Variants in LMCD1 observed in about 807,000 individuals in gnomAD.
LMCD1 encodes the protein LIM and cysteine rich domains 1, also known as LIM and cysteine-rich domains protein 1.
A neutral mutation model predicts 42.7 loss-of-function variants in LMCD1; 32 were observed. That is an observed-to-expected ratio of 0.75 (90% CI 0.57 to 1.01). The LOEUF is 1.01. Among genes scored for constraint, LMCD1 ranks in the 50% least tolerant of loss-of-function variants. The pLI is 0.00. For missense variants in LMCD1, 458 were observed against 483.1 expected (o/e 0.95, Z 0.49); for synonymous variants, 178 against 184.9 (o/e 0.96, Z 0.30).
intron 1 of LMCD1, among the ~76,000 whole-genome samples, chr3:8,519,781 A>G (rs1305569031): frequency 1.3e-5 from 2 of 152,040 alleles, no homozygotes; most frequent in African/African-American, 4.8e-5. Context: ...GGAGTCTTTT[A>G]TAAGAAGGAT....
At chr3:8,546,048 G>A (rs770626554) in intron 3 of LMCD1, among the ~76,000 whole-genome samples, 26 of 152,096 alleles carry the variant, frequency 1.7e-4, no homozygotes, top group East Asian at 7.7e-4. Flanking sequence ...CAGGAGAATC[G>A]CTTGAAGCTG....
At chr3:8,547,266 C>A (rs983276032) in intron 3 of LMCD1, among the ~76,000 whole-genome samples, 6 of 152,234 alleles carry the variant, frequency 3.9e-5, no homozygotes, top group African/African-American at 1.2e-4. Flanking sequence ...ATGACATGGG[C>A]TGGCCCAGTC....
intron 4 of LMCD1, among the ~76,000 whole-genome samples, chr3:8,562,863 C>T (rs1386823744): frequency 6.6e-6 from 1 of 152,198 alleles, no homozygotes; most frequent in African/African-American, 2.4e-5. Flanking sequence ...GCATCTAGTC[C>T]AGGGCCTAGC....
chr3:8,564,288 A>G (rs912966336), intron 4 of LMCD1, among the ~76,000 whole-genome samples: 1 of 152,110 alleles, frequency 6.6e-6, no homozygotes. Flanking sequence ...TATTTGAGAC[A>G]AGGTCTCACT....
intron 5 of LMCD1, among the ~76,000 whole-genome samples, chr3:8,565,887 C>T (rs1002217185): frequency 2.0e-5 from 3 of 152,206 alleles, no homozygotes; most frequent in African/African-American, 7.2e-5. Context: ...TGGCATAATG[C>T]CTAGCACTTA....
At chr3:8,542,610 C>G in intron 3 of LMCD1, among the ~76,000 whole-genome samples, 1 of 152,212 alleles carries the variant, frequency 6.6e-6, no homozygotes, top group Non-Finnish European at 1.5e-5. Context: ...GCTTACCCAG[C>G]CCGCTCACTC....
chr3:8,530,039 C>T (rs935025774), intron 1 of LMCD1, among the ~76,000 whole-genome samples: 21 of 152,290 alleles, frequency 1.4e-4, no homozygotes, highest in African/African-American at 3.8e-4. Flanking sequence ...GACTAAAACC[C>T]GGGACTAAAG....
intron 4 of LMCD1, chr3:8,550,385 G>A (rs959255261): frequency 1.0e-6 from 1 of 985,014 alleles, no homozygotes; most frequent in Non-Finnish European, 1.2e-6. Flanking sequence ...GAACAGGCTG[G>A]CAGTCACACA....
intron 1 of LMCD1, among the ~76,000 whole-genome samples, chr3:8,527,527 C>G (rs1383203006): frequency 6.6e-6 from 1 of 152,164 alleles, no homozygotes; most frequent in East Asian, 1.9e-4. Flanking sequence ...CTTTCCTGGA[C>G]CTTCTGATAA....
intron 3 of LMCD1, among the ~76,000 whole-genome samples, chr3:8,538,186 A>G (rs937759016): frequency 7.2e-5 from 11 of 152,258 alleles, no homozygotes; most frequent in South Asian, 2.1e-4. Context: ...TCAAGATCCA[A>G]TGCACCAGAT....
rs1286176780 is a variant in LMCD1 at position 8,568,280 on chromosome 3, C to G, written c.*682C>G. On this transcript the variant is annotated 3_prime_UTR_variant, in exon 6 of 6. Coordinates refer to ENST00000157600, the MANE Select transcript of LMCD1 (RefSeq NM_014583.4). ...TGGGACAGAACCCCCGCCCCACCTG[C>G]CTATTCCAGATACTCCCAGATCACT... The G allele has an allele frequency of 2.0e-5, 3 of 152,190 alleles. No individual in the cohort carries two copies. The highest frequency in any genetic ancestry group is 7.2e-5 in the African/African-American group (3 of 41,450). 9.4% of individuals were successfully genotyped at this position (152,190 alleles called of 1,614,324 possible). A position where few individuals can be genotyped will look rare whatever the true frequency, so the allele number is the denominator to read the frequency against.
intron 1 of LMCD1, among the ~76,000 whole-genome samples, chr3:8,519,125 C>T (rs140869399): frequency 0.013 from 1,949 of 152,202 alleles, 26 homozygotes; most frequent in Non-Finnish European, 0.022. Flanking sequence ...GTGACCCTGC[C>T]CTCATGGAGC....
chr3:8,562,294 T>C (rs1695053594), intron 4 of LMCD1, among the ~76,000 whole-genome samples: 1 of 152,222 alleles, frequency 6.6e-6, no homozygotes, highest in Admixed American at 6.5e-5. Context: ...TGAGAGGCCC[T>C]GTAGGGAAGC....
At chr3:8,546,286 C>G (rs142311800) in intron 3 of LMCD1, among the ~76,000 whole-genome samples, 1 of 152,278 alleles carries the variant, frequency 6.6e-6, no homozygotes, top group East Asian at 1.9e-4. Flanking sequence ...AAAAAAATCA[C>G]AGAAAAATAT....
chr3:8,556,393 T>C (rs1425163272), intron 4 of LMCD1, among the ~76,000 whole-genome samples: 2 of 152,156 alleles, frequency 1.3e-5, no homozygotes, highest in Non-Finnish European at 2.9e-5. Context: ...GGAAGCTTTT[T>C]TTTTTCAGGA....
intron 1 of LMCD1, among the ~76,000 whole-genome samples, chr3:8,526,656 C>T (rs1030369719): frequency 2.6e-5 from 4 of 152,196 alleles, no homozygotes; most frequent in African/African-American, 9.7e-5. Context: ...TGGGGTGAGG[C>T]TTGAGAATTT....
At chr3:8,514,933 C>T (rs1293187687) in intron 1 of LMCD1, 1 of 456,376 alleles carries the variant, frequency 2.2e-6, no homozygotes, top group Non-Finnish European at 4.4e-6. Context: ...AGATGGTGAT[C>T]ACATGGGATA....
chr3:8,508,887 G>A (rs1693937669), intron 1 of LMCD1, among the ~76,000 whole-genome samples: 1 of 152,178 alleles, frequency 6.6e-6, no homozygotes, highest in Non-Finnish European at 1.5e-5. Context: ...TTTTGGCTGT[G>A]AACTTAGCTT....
At chr3:8,554,354 G>A (rs1295836702) in intron 4 of LMCD1, among the ~76,000 whole-genome samples, 1 of 152,246 alleles carries the variant, frequency 6.6e-6, no homozygotes, top group African/African-American at 2.4e-5. Context: ...GCCGTGTTGG[G>A]GTGGGGCCTC....
Sources: gnomAD v4.1 joint callset for allele counts (sites outside exome capture counted in the v4.1 genomes callset) on GRCh38, gnomAD v4.1.1 for gene constraint, MANE v1.5 for transcripts, NCBI Gene and HGNC (gene_info 2026-07-23, HGNC 2026-07-21) for gene names.